Variants in TMEM170B observed in about 807,000 individuals in gnomAD.
TMEM170B encodes the protein transmembrane protein 170B.
In TMEM170B, 6 loss-of-function variants were observed where a neutral mutation model predicts 13.0. The observed-to-expected ratio is 0.46, with a 90% confidence interval of 0.25 to 0.91. TMEM170B has a LOEUF of 0.91. Among genes scored for constraint, TMEM170B ranks in the 40% least tolerant of loss-of-function variants. The pLI is 0.17. For synonymous variants in TMEM170B, 61 were observed against 64.9 expected (o/e 0.94, Z 0.29); for missense variants, 138 against 165.2 (o/e 0.84, Z 0.90).
intron 1 of TMEM170B, among the ~76,000 whole-genome samples, chr6:11,543,435 A>T (rs2113761317): frequency 6.6e-6 from 1 of 152,254 alleles, no homozygotes; most frequent in South Asian, 2.1e-4. Context: ...GCTTATTGAG[A>T]GTAGTTTTCT....
chr6:11,552,177 A>G (rs986610891), intron 1 of TMEM170B, among the ~76,000 whole-genome samples: 1 of 152,244 alleles, frequency 6.6e-6, no homozygotes, highest in East Asian at 1.9e-4. Flanking sequence ...CGATTTTTTT[A>G]AAATTATTTT....
chr6:11,582,302 A>G lies in TMEM170B; in HGVS notation c.*6741A>G, dbSNP rs1444303767. 6.6e-6 allele frequency: 1 copy of G among 152,238 alleles called. No homozygotes were observed. Among genetic ancestry groups the G allele is most frequent in the Non-Finnish European group, 1.5e-5 (1 of 68,028 alleles). 9.4% of individuals were successfully genotyped at this position (152,238 alleles called of 1,614,324 possible). On this transcript the variant is annotated 3_prime_UTR_variant, in exon 3 of 3. Coordinates refer to ENST00000379426, the MANE Select transcript of TMEM170B (RefSeq NM_001100829.3). ...ATCACAGGCAGATTTTAAAAGCTAA[A>G]TGAAGCCTTAGTGCCTTGAAAGTTA...
At chr6:11,573,876 A>G (rs962614481) in intron 2 of TMEM170B, among the ~76,000 whole-genome samples, 3 of 152,176 alleles carry the variant, frequency 2.0e-5, no homozygotes, top group African/African-American at 7.2e-5. Flanking sequence ...TAATATTTTT[A>G]AAGAATGTCA....
At chr6:11,551,946 A>C (rs1759530875) in intron 1 of TMEM170B, among the ~76,000 whole-genome samples, 1 of 152,206 alleles carries the variant, frequency 6.6e-6, no homozygotes, top group South Asian at 2.1e-4. Context: ...CTGGATTTTC[A>C]TTATACAGTT....
chr6:11,543,963 A>G (rs1397961053), intron 1 of TMEM170B, among the ~76,000 whole-genome samples: 1 of 152,208 alleles, frequency 6.6e-6, no homozygotes, highest in Non-Finnish European at 1.5e-5. Context: ...CTTAAAAAGT[A>G]ATAATGAGAA....
chr6:11,543,401 T>A (rs1759388438), intron 1 of TMEM170B, among the ~76,000 whole-genome samples: 2 of 152,338 alleles, frequency 1.3e-5, no homozygotes, highest in African/African-American at 4.8e-5. Flanking sequence ...ATCATTTTTA[T>A]ACATACCTTT....
At position 11,565,855 on chromosome 6, in the gene TMEM170B, G is replaced by C; in HGVS notation, c.268+19G>C. ...ATTACCAGTAAGTTGATTTTCTTTT[G>C]TCTGAGGATGTAAGTTTGTATACAC... On this transcript the variant is annotated intron_variant, in intron 2 of 2. Transcript: ENST00000379426. 1 of 1,613,538 alleles carries C rather than the reference G, an allele frequency of 6.2e-7. No individual in the cohort carries two copies. Among genetic ancestry groups the C allele is most frequent in the South Asian group, 1.1e-5 (1 of 91,080 alleles).
chr6:11,578,543 G>A lies in TMEM170B; in HGVS notation c.*2982G>A, dbSNP rs946426734. 2 of 152,102 alleles carry A rather than the reference G, an allele frequency of 1.3e-5. No homozygotes were observed. Among genetic ancestry groups the A allele is most frequent in the Non-Finnish European group, 2.9e-5 (2 of 67,996 alleles). The allele number at this position is 152,102 out of a possible 1,614,324, so 9.4% of individuals were successfully genotyped here. ...AATGCTTAAAACTTTAAAAGAAGGA[G>A]AACCAGCAGTCTTCCGAACCATGGG... is the stretch of plus-strand genomic sequence containing the variant. On this transcript the variant is annotated 3_prime_UTR_variant, in exon 3 of 3. Transcript: ENST00000379426.
intron 1 of TMEM170B, among the ~76,000 whole-genome samples, chr6:11,555,238 G>A (rs770243119): frequency 2.0e-5 from 3 of 151,802 alleles, no homozygotes; most frequent in South Asian, 2.1e-4. Flanking sequence ...GGAAATTTCT[G>A]ATAAGAAGTT....
intron 2 of TMEM170B, among the ~76,000 whole-genome samples, chr6:11,566,480 A>C (rs951337041): frequency 6.6e-6 from 1 of 152,242 alleles, no homozygotes; most frequent in African/African-American, 2.4e-5. Context: ...TGTTATCAGC[A>C]GAAGGTATCC....
chr6:11,538,091 A>C lies in TMEM170B; in HGVS notation c.-187A>C, dbSNP rs1759304323. Reference sequence around the variant, plus strand: ...GCGGGGAGGGGGCTGCCTGGGAGACACGCTGAGCGGCCCCCCCACGGAGGC... The same window carrying C: ...GCGGGGAGGGGGCTGCCTGGGAGACCCGCTGAGCGGCCCCCCCACGGAGGC... On this transcript the variant is annotated 5_prime_UTR_variant, in exon 1 of 3. Coordinates refer to ENST00000379426, the MANE Select transcript of TMEM170B (RefSeq NM_001100829.3). Among the ~76,000 whole-genome samples the C allele has an allele frequency of 6.6e-6, 1 of 150,804 alleles. No individual in the cohort carries two copies. Among genetic ancestry groups the C allele is most frequent in the African/African-American group, 2.4e-5 (1 of 41,126 alleles).
rs1336595926 is a variant in TMEM170B at position 11,580,257 on chromosome 6, C to G, written c.*4696C>G. ...CAAACTCCCGACCTCAAGGGATCCA[C>G]CCACCTTGGCCTCCCAAAGTGCTGG... On this transcript the variant is annotated 3_prime_UTR_variant, in exon 3 of 3. Coordinates refer to ENST00000379426, the MANE Select transcript of TMEM170B (RefSeq NM_001100829.3). 2 of 152,220 alleles carry G rather than the reference C, an allele frequency of 1.3e-5. No individual in the cohort carries two copies. Among genetic ancestry groups the G allele is most frequent in the Admixed American group, 6.5e-5 (1 of 15,280 alleles). The allele number at this position is 152,220 out of a possible 1,614,324, so 9.4% of individuals were successfully genotyped here.
chr6:11,553,389 ATATGT>A lies in TMEM170B; in HGVS notation c.98-12274_98-12270del, dbSNP rs1172301521. ...TCAAACATTAAAAATGTTTATGTAAATATGTTAGGTGAGCAGCTATTGGAATTTCC... is the reference window on the plus strand; with the variant it reads ...TCAAACATTAAAAATGTTTATGTAAATAGGTGAGCAGCTATTGGAATTTCC... On this transcript the variant is annotated intron_variant, in intron 1 of 2. Coordinates refer to ENST00000379426, the MANE Select transcript of TMEM170B (RefSeq NM_001100829.3). 2.0e-5 allele frequency among the ~76,000 whole-genome samples: 3 copies of A among 152,320 alleles called. No individual in the cohort carries two copies. In the South Asian group the frequency reaches 6.2e-4, roughly 32 times the overall value.
At chr6:11,557,371 G>T (rs529357386) in intron 1 of TMEM170B, among the ~76,000 whole-genome samples, 1 of 151,974 alleles carries the variant, frequency 6.6e-6, no homozygotes, top group African/African-American at 2.4e-5. Flanking sequence ...AAAAAATTGG[G>T]GACACTACAA....
chr6:11,545,364 A>G (rs978329106), intron 1 of TMEM170B, among the ~76,000 whole-genome samples: 4 of 150,988 alleles, frequency 2.6e-5, no homozygotes, highest in South Asian at 2.1e-4. Context: ...TTCAAAGGCA[A>G]TATGTTCCAA....
chr6:11,552,612 C>T (rs940671869), intron 1 of TMEM170B, among the ~76,000 whole-genome samples: 1 of 152,136 alleles, frequency 6.6e-6, no homozygotes, highest in Non-Finnish European at 1.5e-5. Context: ...GTTTGTATTA[C>T]ACAATAGAGT....
rs1035558574 is a variant in TMEM170B at position 11,547,943 on chromosome 6, C to G, written c.97+9569C>G. On this transcript the variant is annotated intron_variant, in intron 1 of 2. Coordinates refer to ENST00000379426, the MANE Select transcript of TMEM170B (RefSeq NM_001100829.3). ...GAAGGTCTAAGAAAGTAAGATAGTT[C>G]ATGAAGAGGAGTCACAATTTCTAGG... 5.9e-5 allele frequency among the ~76,000 whole-genome samples: 9 copies of G among 151,988 alleles called. No individual in the cohort carries two copies. In the East Asian group the frequency reaches 1.7e-3, roughly 29 times the overall value.
intron 1 of TMEM170B, among the ~76,000 whole-genome samples, chr6:11,547,800 A>G (rs1004491716): frequency 6.6e-6 from 1 of 152,142 alleles, no homozygotes. Context: ...TCCAGATGAC[A>G]TTTCTTCGAT....
intron 1 of TMEM170B, among the ~76,000 whole-genome samples, chr6:11,548,194 G>A (rs1759465585): frequency 6.6e-6 from 1 of 151,930 alleles, no homozygotes; most frequent in African/African-American, 2.4e-5. Context: ...TCTGACAAAG[G>A]GCTAATATCT....
Sources: allele counts gnomAD v4.1 joint callset (sites outside exome capture counted in the v4.1 genomes callset), GRCh38; gene constraint gnomAD v4.1.1; transcripts MANE v1.5; gene names NCBI Gene and HGNC (gene_info 2026-07-23, HGNC 2026-07-21).